The following NTSR1 variants were observed in gnomAD, a reference collection of about 807,000 sequenced individuals.
NTSR1 encodes the protein neurotensin receptor 1.
In NTSR1, 29 loss-of-function variants were observed where a neutral mutation model predicts 31.2. That is an observed-to-expected ratio of 0.93 (90% confidence interval 0.69 to 1.27). NTSR1 has a LOEUF of 1.27. Among genes scored for constraint, NTSR1 ranks in the 50% most tolerant of loss-of-function variants. The pLI, the probability that NTSR1 is intolerant of heterozygous loss-of-function variation, is 0.00. For missense variants in NTSR1, 697 were observed against 595.4 expected (o/e 1.17, Z -1.78); for synonymous variants, 282 against 269.9 (o/e 1.04, Z -0.44).
At position 62,709,489 on chromosome 20, in the gene NTSR1, G is replaced by T; in HGVS notation, c.282G>T (p.Leu94=). The change falls in exon 1 of 4, where the codon CTG becomes CTT. Residue 94 remains leucine (L), a synonymous_variant. Coordinates refer to ENST00000370501, the MANE Select transcript of NTSR1 (RefSeq NM_002531.3). ...TCACGCTGGCGCGGAAGAAGTCGCT[G>T]CAGAGCCTGCAGAGCACGGTGCATT... is the stretch of plus-strand genomic sequence containing the variant. ...TAFTLARKKS[L]QSLQSTVHYH... is the part of the protein sequence containing the mutation. The T allele has an allele frequency of 6.2e-7, 1 of 1,612,554 alleles. No homozygotes were observed. The highest frequency in any genetic ancestry group is 8.5e-7 in the Non-Finnish European group (1 of 1,179,842).
At chr20:62,747,893 G>A (rs1163615993) in intron 1 of NTSR1, among the ~76,000 whole-genome samples, 1 of 152,138 alleles carries the variant, frequency 6.6e-6, no homozygotes, top group African/African-American at 2.4e-5. Context: ...GAAATCAAGA[G>A]GGCCAGGCGC....
intron 1 of NTSR1, among the ~76,000 whole-genome samples, chr20:62,729,511 C>G (rs1239671665): frequency 6.6e-6 from 1 of 152,132 alleles, no homozygotes; most frequent in Non-Finnish European, 1.5e-5. Context: ...AGCCTTATAG[C>G]CTCAGGAATC....
At chr20:62,727,514 C>T (rs914636927) in intron 1 of NTSR1, among the ~76,000 whole-genome samples, 2 of 152,214 alleles carry the variant, frequency 1.3e-5, no homozygotes, top group Admixed American at 6.5e-5. Flanking sequence ...GCCCGGCCGC[C>T]GGGCTCAGCA....
rs1250810126 is a variant in NTSR1 at position 62,733,595 on chromosome 20, C to T, written c.715-21090C>T. 6.6e-6 allele frequency among the ~76,000 whole-genome samples: 1 copy of T among 151,624 alleles called. No individual in the cohort carries two copies. Among genetic ancestry groups the T allele is most frequent in the Admixed American group, 6.6e-5 (1 of 15,230 alleles). The stretch of plus-strand genomic sequence containing the variant: ...CAGGGTGAGCCATGTGGGCTGGCTT[C>T]TGGGGATGGGGAGGAGAGATACACA... On this transcript the variant is annotated intron_variant, in intron 1 of 3. Coordinates refer to ENST00000370501, the MANE Select transcript of NTSR1 (RefSeq NM_002531.3). This position sits in a 1 kb window ranked among gnomAD's most constrained non-coding sequence, Gnocchi z 5.2.
chr20:62,744,554 CAAA>C lies in NTSR1; in HGVS notation c.715-10118_715-10116del, dbSNP rs11481597. Among the ~76,000 whole-genome samples, 1 of 116,828 alleles carries C rather than the reference CAAA, an allele frequency of 8.6e-6. No homozygotes were observed. The highest frequency in any genetic ancestry group is 8.6e-5 in the Admixed American group (1 of 11,602). 76.6% of individuals were successfully genotyped at this position (116,828 alleles called of 152,430 possible). A position where few individuals can be genotyped will look rare whatever the true frequency, so the allele number is the denominator to read the frequency against. ...TGGGTGACAGAACAAGACTCCGTCT[CAAA>C]AAAAAAAAAAAATACAAAATTAGCC... On this transcript the variant is annotated intron_variant, in intron 1 of 3. Coordinates refer to ENST00000370501, the MANE Select transcript of NTSR1 (RefSeq NM_002531.3). This position sits in a 1 kb window ranked among gnomAD's most constrained non-coding sequence, Gnocchi z 4.1.
chr20:62,727,999 C>A (rs6011914), intron 1 of NTSR1, among the ~76,000 whole-genome samples: 7 of 152,232 alleles, frequency 4.6e-5, no homozygotes, highest in African/African-American at 1.4e-4. Flanking sequence ...AGGGCTGCCC[C>A]AGGCCCACGG....
rs1222728657 is a variant in NTSR1 at position 62,714,341 on chromosome 20, T to TTTCCTGCC, written c.714+4423_714+4430dup. ...CTTTAGAGGAAAGGAATGGAGTATTTTTCCTGCCTTTTCTATTCAAACGGT... is the reference window on the plus strand; with the variant it reads ...CTTTAGAGGAAAGGAATGGAGTATTTTTCCTGCCTTCCTGCCTTTTCTATTCAAACGGT... On this transcript the variant is annotated intron_variant, in intron 1 of 3. Transcript: ENST00000370501. The surrounding 1 kb of genome is among the most constrained non-coding windows in gnomAD (Gnocchi z 4.1). Among the ~76,000 whole-genome samples, 3 of 152,230 alleles carry TTTCCTGCC rather than the reference T, an allele frequency of 2.0e-5. No individual in the cohort carries two copies. Among genetic ancestry groups the TTTCCTGCC allele is most frequent in the Non-Finnish European group, 2.9e-5 (2 of 68,046 alleles).
chr20:62,750,955 A>G (rs1989384963), intron 1 of NTSR1, among the ~76,000 whole-genome samples: 2 of 152,204 alleles, frequency 1.3e-5, no homozygotes, highest in African/African-American at 4.8e-5. Context: ...AGCTCACTGT[A>G]GCCTCAAACT....
intron 1 of NTSR1, among the ~76,000 whole-genome samples, chr20:62,734,668 G>T (rs1045038380): frequency 1.3e-5 from 2 of 152,336 alleles, no homozygotes; most frequent in Admixed American, 6.5e-5. Context: ...TGGCCACTGG[G>T]CATTGAGACA....
rs1988531955 is a variant in NTSR1 at position 62,709,033 on chromosome 20, C to T, written c.-175C>T. ...GAGAGCGGAGCCCGGAGCCCGGAGC[C>T]CGGGGCGGCGCGTCTGGGTCTGGCG... On this transcript the variant is annotated 5_prime_UTR_variant, in exon 1 of 4. Transcript: ENST00000370501. 2.9e-5 allele frequency: 14 copies of T among 478,592 alleles called. No homozygotes were observed. The South Asian group carries it at 5.9e-4, about 20-fold the overall frequency. The allele number at this position is 478,592 out of a possible 1,614,324, so 29.6% of individuals were successfully genotyped here.
intron 1 of NTSR1, among the ~76,000 whole-genome samples, chr20:62,712,023 G>A (rs1477917948): frequency 2.0e-5 from 3 of 152,228 alleles, no homozygotes; most frequent in Non-Finnish European, 2.9e-5. Context: ...TCAGCTGCGT[G>A]CCTGGGAGCA....
intron 1 of NTSR1, among the ~76,000 whole-genome samples, chr20:62,720,386 G>A (rs1196936917): frequency 6.6e-6 from 1 of 152,184 alleles, no homozygotes; most frequent in African/African-American, 2.4e-5. Flanking sequence ...ATCTTTTGAG[G>A]AATTGGTCCA....
At chr20:62,747,099 G>A (rs1336553494) in intron 1 of NTSR1, among the ~76,000 whole-genome samples, 1 of 152,242 alleles carries the variant, frequency 6.6e-6, no homozygotes, top group Non-Finnish European at 1.5e-5. Context: ...ATATGAATCA[G>A]TAAATGTGAT....
Position 62,728,989 on chromosome 20 carries a change from G to A in NTSR1, c.714+19068G>A, listed in dbSNP as rs371170377. Among the ~76,000 whole-genome samples, 101 of 152,352 alleles carry A rather than the reference G, an allele frequency of 6.6e-4. 3 individuals are homozygous for A. The South Asian group carries it at 0.019, about 29-fold the overall frequency. ...CCTGACCCCACCCAGCCCTTCCGGC[G>A]ACACTCAGAAGAAGCTGCTGGCAAG... On this transcript the variant is annotated intron_variant, in intron 1 of 3. Transcript: ENST00000370501.
chr20:62,713,675 G>GC (rs1988660063), intron 1 of NTSR1, among the ~76,000 whole-genome samples: 1 of 152,220 alleles, frequency 6.6e-6, no homozygotes, highest in Non-Finnish European at 1.5e-5. Context: ...AGGAGAGCAA[G>GC]CAGACAGTGA....
rs189531647 is a variant in NTSR1, at chr20:62,715,074, G to T, written c.714+5153G>T. On this transcript the variant is annotated intron_variant, in intron 1 of 3. Coordinates refer to ENST00000370501, the MANE Select transcript of NTSR1 (RefSeq NM_002531.3). The surrounding 1 kb of genome is among the most constrained non-coding windows in gnomAD (Gnocchi z 4.7). ...AGATTGGTCTTAAGTCTGTAATCATGGAAAGTGAGTGTTGATGACATTTTT... is the reference window on the plus strand; with the variant it reads ...AGATTGGTCTTAAGTCTGTAATCATTGAAAGTGAGTGTTGATGACATTTTT... Among the ~76,000 whole-genome samples, 1 of 152,270 alleles carries T rather than the reference G, an allele frequency of 6.6e-6. No homozygotes were observed. Among genetic ancestry groups the T allele is most frequent in the Non-Finnish European group, 1.5e-5 (1 of 68,020 alleles).
chr20:62,759,564 G>A (rs570129599), intron 3 of NTSR1, among the ~76,000 whole-genome samples: 3 of 152,088 alleles, frequency 2.0e-5, no homozygotes, highest in African/African-American at 7.2e-5. Flanking sequence ...CACGAGGTCA[G>A]GAGATCGAGA....
At position 62,709,761 on chromosome 20, in the gene NTSR1, C is replaced by G. The variant is rs553654262; in HGVS notation, c.554C>G (p.Thr185Ser). The change falls in exon 1 of 4, where the codon ACC becomes AGC. Residue 185 changes from threonine (T) to serine (S), a missense_variant. Thr to Ser is a moderately conservative substitution (Grantham distance 58). Transcript: ENST00000370501. ...KAKTLMSRSR[T>S]KKFISAIWLA... ...AAGACCCTCATGTCCCGAAGCCGCA[C>G]CAAGAAGTTCATCAGCGCCATCTGG... 5 of 1,612,962 alleles carry G rather than the reference C, an allele frequency of 3.1e-6. No individual in the cohort carries two copies. Among genetic ancestry groups the G allele is most frequent in the Non-Finnish European group, 4.2e-6 (5 of 1,179,940 alleles).
chr20:62,715,539 T>C lies in NTSR1; in HGVS notation c.714+5618T>C, dbSNP rs1369388137. 6.6e-6 allele frequency among the ~76,000 whole-genome samples: 1 copy of C among 152,228 alleles called. No individual in the cohort carries two copies. Among genetic ancestry groups the C allele is most frequent in the Non-Finnish European group, 1.5e-5 (1 of 68,028 alleles). The stretch of plus-strand genomic sequence containing the variant: ...TGAGGGGCCCAGAGCTGGCCATGGC[T>C]GGCTCTGACTGGGCTTGGAGTCCTC... On this transcript the variant is annotated intron_variant, in intron 1 of 3. Transcript: ENST00000370501. This position sits in a 1 kb window ranked among gnomAD's most constrained non-coding sequence, Gnocchi z 4.7.
Sources: allele counts gnomAD v4.1 joint callset (sites outside exome capture counted in the v4.1 genomes callset), GRCh38; gene constraint gnomAD v4.1.1; non-coding constraint Gnocchi (gnomAD v3.1); transcripts MANE v1.5; gene names NCBI Gene and HGNC (gene_info 2026-07-23, HGNC 2026-07-21).